Variants in TUSC3 observed in about 807,000 individuals in gnomAD.
The protein encoded by TUSC3 is dolichyl-diphosphooligosaccharide--protein glycosyltransferase subunit TUSC3.
TUSC3 carries 45 observed loss-of-function variants against 44.8 expected under a neutral mutation model. The observed-to-expected ratio is 1.00, with a 90% CI of 0.79 to 1.29. TUSC3 has a LOEUF of 1.29. TUSC3 is among the 50% of genes most tolerant of loss of function. TUSC3 has a pLI of 0.00. For missense variants in TUSC3, 519 were observed against 437.9 expected (o/e 1.19, Z -1.65); for synonymous variants, 212 against 152.9 (o/e 1.39, Z -2.85).
intron 1 of TUSC3, among the ~76,000 whole-genome samples, chr8:15,454,223 C>G (rs1035326727): frequency 2.0e-5 from 3 of 152,176 alleles, no homozygotes; most frequent in Admixed American, 2.0e-4. Context: ...CTTGATCTCT[C>G]AAGTCACCCC....
intron 7 of TUSC3, among the ~76,000 whole-genome samples, chr8:15,736,729 T>TATC (rs1554484408): frequency 2.0e-5 from 3 of 152,192 alleles, no homozygotes; most frequent in Non-Finnish European, 4.4e-5. Context: ...CCTTTTTTTC[T>TATC]ATCAATCAGT....
intron 1 of TUSC3, among the ~76,000 whole-genome samples, chr8:15,613,864 C>T (rs1200194157): frequency 2.0e-5 from 3 of 152,076 alleles, no homozygotes; most frequent in Non-Finnish European, 4.4e-5. Context: ...GATTCATGAG[C>T]ATAATTTTCT....
the TUSC3 span, among the ~76,000 whole-genome samples, chr8:15,803,880 C>T: frequency 2.0e-5 from 3 of 152,130 alleles, no homozygotes; most frequent in African/African-American, 7.2e-5. Flanking sequence ...GACATGAACT[C>T]ATTCTTTTTT....
the TUSC3 span, among the ~76,000 whole-genome samples, chr8:15,827,339 T>C: frequency 2.6e-5 from 4 of 152,218 alleles, no homozygotes; most frequent in Non-Finnish European, 5.9e-5. Flanking sequence ...CAAATTATGT[T>C]CTACTGAACA....
chr8:15,839,047 G>A, the TUSC3 span, among the ~76,000 whole-genome samples: 1 of 152,106 alleles, frequency 6.6e-6, no homozygotes, highest in Non-Finnish European at 1.5e-5. Context: ...GCAGTGGTTT[G>A]TAGTTCTCCT....
chr8:15,594,788 T>A lies in TUSC3; in HGVS notation c.139-28292T>A, dbSNP rs180951188. On this transcript the variant is annotated intron_variant, in intron 1 of 10. Coordinates refer to ENST00000503731, the MANE Select transcript of TUSC3 (RefSeq NM_006765.4). The stretch of plus-strand genomic sequence containing the variant: ...TCAACTTGAGTTTGGTGAGATGGAA[T>A]GTCTTTTTATGCAACAAGTTACATA... Among the ~76,000 whole-genome samples, 19 of 152,316 alleles carry A rather than the reference T, an allele frequency of 1.2e-4. No homozygotes were observed. In the East Asian group the frequency reaches 3.5e-3, roughly 28 times the overall value.
At chr8:15,830,552 T>C in the TUSC3 span, among the ~76,000 whole-genome samples, 1 of 152,212 alleles carries the variant, frequency 6.6e-6, no homozygotes, top group African/African-American at 2.4e-5. Flanking sequence ...ATGTGATGTG[T>C]ATATACCATG....
At chr8:15,462,093 A>T (rs139672182) in intron 1 of TUSC3, among the ~76,000 whole-genome samples, 86 of 152,190 alleles carry the variant, frequency 5.7e-4, no homozygotes, top group African/African-American at 2.0e-3. Flanking sequence ...ATTGTTTAGC[A>T]GCCAGGAGAG....
chr8:15,651,380 A>G (rs984711760), intron 3 of TUSC3, among the ~76,000 whole-genome samples: 2 of 152,230 alleles, frequency 1.3e-5, no homozygotes. Context: ...ATTTATTGAC[A>G]AGTATTTTCT....
At chr8:15,825,587 G>C in the TUSC3 span, among the ~76,000 whole-genome samples, 8 of 152,076 alleles carry the variant, frequency 5.3e-5, no homozygotes, top group Admixed American at 3.3e-4. Flanking sequence ...CTGGCAACAA[G>C]ATGCTGAGAT....
intron 6 of TUSC3, among the ~76,000 whole-genome samples, chr8:15,693,615 C>A (rs537465734): frequency 6.6e-6 from 1 of 151,774 alleles, no homozygotes; most frequent in South Asian, 2.1e-4. Flanking sequence ...TAGAGAATCT[C>A]ATGTGTCTTG....
At chr8:15,816,746 A>G in the TUSC3 span, among the ~76,000 whole-genome samples, 4 of 152,174 alleles carry the variant, frequency 2.6e-5, no homozygotes, top group African/African-American at 9.7e-5. Context: ...AACAGCCCTC[A>G]CAGAGAAACG....
chr8:15,515,226 T>C (rs1010791833), intron 2 of TUSC3, among the ~76,000 whole-genome samples: 1 of 152,288 alleles, frequency 6.6e-6, no homozygotes, highest in Middle Eastern at 3.4e-3. Flanking sequence ...CGCTTTCTAC[T>C]TTGATGTTTT....
At chr8:15,661,893 G>A (rs1367903449) in intron 4 of TUSC3, among the ~76,000 whole-genome samples, 3 of 151,896 alleles carry the variant, frequency 2.0e-5, no homozygotes, top group Non-Finnish European at 2.9e-5. Context: ...TTTCTTCATG[G>A]AAAATATAAA....
At chr8:15,673,502 G>A (rs916030069) in intron 5 of TUSC3, among the ~76,000 whole-genome samples, 6 of 152,016 alleles carry the variant, frequency 3.9e-5, no homozygotes, top group African/African-American at 9.7e-5. Context: ...TATGTTATCC[G>A]ATGTAATTAT....
At chr8:15,812,650 G>A in the TUSC3 span, among the ~76,000 whole-genome samples, 2 of 152,162 alleles carry the variant, frequency 1.3e-5, no homozygotes, top group East Asian at 1.9e-4. Context: ...AGGACAGTGG[G>A]TGTCTGGAAA....
chr8:15,681,080 G>A (rs927365694), intron 6 of TUSC3, among the ~76,000 whole-genome samples: 4 of 150,206 alleles, frequency 2.7e-5, no homozygotes, highest in African/African-American at 9.8e-5. Context: ...TTTGATATCG[G>A]TGCTGCTGGC....
intron 2 of TUSC3, among the ~76,000 whole-genome samples, chr8:15,623,794 A>G (rs753224896): frequency 3.9e-5 from 6 of 152,198 alleles, no homozygotes; most frequent in East Asian, 1.9e-4. Flanking sequence ...TTATTTTGAA[A>G]TAATTGTAGG....
chr8:15,685,860 T>G lies in TUSC3; in HGVS notation c.798+12024T>G, dbSNP rs192071616. 3.7e-3 allele frequency among the ~76,000 whole-genome samples: 354 copies of G among 95,434 alleles called. 2 individuals carry two copies. Among genetic ancestry groups the G allele is most frequent in the African/African-American group, 9.3e-3 (340 of 36,528 alleles). 62.6% of individuals were successfully genotyped at this position (95,434 alleles called of 152,430 possible). A position where few individuals can be genotyped will look rare whatever the true frequency, so the allele number is the denominator to read the frequency against. ...TTGGGTATTCATTTAGTTCTTAGGTTTTTTTTTTTTTGAAAAATTAGTGGT... is the reference window on the plus strand; with the variant it reads ...TTGGGTATTCATTTAGTTCTTAGGTGTTTTTTTTTTTGAAAAATTAGTGGT... On this transcript the variant is annotated intron_variant, in intron 6 of 10. Transcript: ENST00000503731.
Sources: gnomAD v4.1 joint callset for allele counts (sites outside exome capture counted in the v4.1 genomes callset) on GRCh38, gnomAD v4.1.1 for gene constraint, MANE v1.5 for transcripts, NCBI Gene and HGNC (gene_info 2026-07-23, HGNC 2026-07-21) for gene names.